Variants in ANPEP observed in about 807,000 individuals in gnomAD.
ANPEP encodes the protein alanyl aminopeptidase, membrane.
Under a neutral mutation model 114.6 loss-of-function variants are expected in ANPEP, and 70 were observed. The observed-to-expected ratio is 0.61, with a 90% CI of 0.50 to 0.75. The LOEUF (loss-of-function observed/expected upper bound fraction) is 0.75, where lower values mean the gene tolerates loss of function less well. ANPEP is among the 30% of genes least tolerant of loss of function. The probability of loss-of-function intolerance (pLI) is 0.00; values close to 1 mark genes in which losing one functional copy is unlikely to be tolerated. For missense variants in ANPEP, 1,184 were observed against 1,259.5 expected, an observed-to-expected ratio of 0.94 and a Z score of 0.91; for synonymous variants, 548 against 522.3, an observed-to-expected ratio of 1.05 and a Z score of -0.67.
rs1000822585 is a variant in ANPEP at position 89,804,775 on chromosome 15, C to T, written c.898-158G>A. 4 of 1,067,814 alleles carry T rather than the reference C, an allele frequency of 3.7e-6. No homozygotes were observed. The Admixed American group carries it at 8.0e-5, about 21-fold the overall frequency. The allele number at this position is 1,067,814 out of a possible 1,614,324, so 66.1% of individuals were successfully genotyped here. On this transcript the variant is annotated intron_variant, in intron 4 of 20. Coordinates refer to ENST00000300060, the MANE Select transcript of ANPEP (RefSeq NM_001150.3). Reference sequence around the variant, plus strand: ...GAGGCCTGGTCAGCAGAGGGGAACGCTACTGGGGTCTGGAGGCTGTGGGTC... The same window carrying T: ...GAGGCCTGGTCAGCAGAGGGGAACGTTACTGGGGTCTGGAGGCTGTGGGTC...
Position 89,803,108 on chromosome 15 carries a change from G to A in ANPEP, c.1569+131C>T. 9.8e-7 allele frequency: 1 copy of A among 1,016,076 alleles called. No individual in the cohort carries two copies. The highest frequency in any genetic ancestry group is 1.5e-6 in the Non-Finnish European group (1 of 653,402). The allele number at this position is 1,016,076 out of a possible 1,614,324, so 62.9% of individuals were successfully genotyped here. A position where few individuals can be genotyped will look rare whatever the true frequency, so the allele number is the denominator to read the frequency against. On this transcript the variant is annotated intron_variant, in intron 10 of 20. Transcript: ENST00000300060. The surrounding 1 kb of genome is among the most constrained non-coding windows in gnomAD (Gnocchi z 4.2). ...TCCACTATAGGGAGGAGCAACAGAG[G>A]CTCCATCCACCCTGCAGGGCTGGTC...
chr15:89,792,971 A>G, intron 16 of ANPEP, 64 bp downstream of exon 16: 1 of 1,364,582 alleles, frequency 7.3e-7, no homozygotes, highest in South Asian at 1.2e-5. Flanking sequence ...GAACACTGCC[A>G]GGATGTTGCT....
At position 89,806,195 on chromosome 15, in the gene ANPEP, G is replaced by C. The variant is rs141945020; in HGVS notation, c.389C>G (p.Thr130Ser). ...IIIHSKKLNY[T>S]LSQGHRVVLR... ...GACCACCCTGTGCCCCTGGCTGAGG[G>C]TGTAGTTGAGCTTCTTGCTGTGGAT... The change falls in exon 2 of 21, where the codon ACC (threonine) becomes AGC (serine). Residue 130 changes from threonine to serine, a missense_variant. Physicochemically the swap from Thr to Ser is moderately conservative, Grantham distance 58 (BLOSUM62 1). Coordinates refer to ENST00000300060, the MANE Select transcript of ANPEP (RefSeq NM_001150.3). The surrounding 1 kb of genome is among the most constrained non-coding windows in gnomAD (Gnocchi z 5.7). The C allele has an allele frequency of 2.5e-6, 4 of 1,614,138 alleles. No homozygotes were observed. In the East Asian group the frequency reaches 6.7e-5, roughly 27 times the overall value.
At chr15:89,795,500 C>A (rs753023046) in intron 15 of ANPEP, among the ~76,000 whole-genome samples, 3 of 152,000 alleles carry the variant, frequency 2.0e-5, no homozygotes, top group Non-Finnish European at 4.4e-5. Context: ...CCAAGGCCCA[C>A]CAGGACCGAG....
chr15:89,793,867 A>T (rs927351216), intron 15 of ANPEP, among the ~76,000 whole-genome samples: 10 of 152,116 alleles, frequency 6.6e-5, no homozygotes, highest in African/African-American at 2.4e-4. Context: ...TTTTTTACTT[A>T]GCATATTCTT....
intron 1 of ANPEP, among the ~76,000 whole-genome samples, chr15:89,812,932 G>A (rs1894841856): frequency 6.6e-6 from 1 of 152,144 alleles, no homozygotes; most frequent in Non-Finnish European, 1.5e-5. Flanking sequence ...CCAGGGCTGG[G>A]AGCTGGGGGT....
chr15:89,803,204 A>G lies in ANPEP; in HGVS notation c.1569+35T>C. 1 of 1,604,580 alleles carries G rather than the reference A, an allele frequency of 6.2e-7. No individual in the cohort carries two copies. Among genetic ancestry groups the G allele is most frequent in the Admixed American group, 1.7e-5 (1 of 59,992 alleles). On this transcript the variant is annotated intron_variant, in intron 10 of 20. Coordinates refer to ENST00000300060, the MANE Select transcript of ANPEP (RefSeq NM_001150.3). This position sits in a 1 kb window ranked among gnomAD's most constrained non-coding sequence, Gnocchi z 4.2. ...GTACCTTCAGCATCTCAAGACCCCA[A>G]CAGGATGGCTGTGGAGGGGCTGGCT...
intron 10 of ANPEP, among the ~76,000 whole-genome samples, chr15:89,802,933 G>C (rs1894625533): frequency 6.6e-6 from 1 of 152,096 alleles, no homozygotes; most frequent in Admixed American, 6.5e-5. Flanking sequence ...GTTCCAGGCA[G>C]AGGCGGGAAC....
In ANPEP at chr15:89,785,422, G is replaced by T. The variant is rs376373199; in HGVS notation, c.2831C>A (p.Thr944Lys). ...CTTCACCCACTTGATGTTGGCTTTC[G>T]TCTTCTCCAGGGCTTGCTCCAGGGC... Reference protein sequence around the residue: ...TRALEQALEKTKANIKWVKEN... With the variant: ...TRALEQALEKKKANIKWVKEN... Residue 944 changes from threonine to lysine, a missense_variant, in exon 21 of 21, where the codon ACG becomes AAG. Coordinates refer to ENST00000300060, the MANE Select transcript of ANPEP (RefSeq NM_001150.3). 1.9e-6 allele frequency: 3 copies of T among 1,614,070 alleles called. No individual in the cohort carries two copies. In the African/African-American group the frequency reaches 4.0e-5, roughly 22 times the overall value.
At chr15:89,811,047 T>G (rs1460215560) in intron 1 of ANPEP, among the ~76,000 whole-genome samples, 1 of 152,192 alleles carries the variant, frequency 6.6e-6, no homozygotes, top group Non-Finnish European at 1.5e-5. Flanking sequence ...TGCCGTATCC[T>G]CTACACCTGG....
chr15:89,785,570 G>A lies in ANPEP; in HGVS notation c.2752-69C>T. On this transcript the variant is annotated intron_variant, in intron 20 of 20. Transcript: ENST00000300060. ...CAGCCTTGAGGAGGAGCTCTCTCAGGCCTCTGGCTTTCCACTCCCACTTTA... is the reference window on the plus strand; with the variant it reads ...CAGCCTTGAGGAGGAGCTCTCTCAGACCTCTGGCTTTCCACTCCCACTTTA... The A allele has an allele frequency of 3.1e-6, 5 of 1,593,484 alleles. No homozygotes were observed. In the South Asian group the frequency reaches 5.6e-5, roughly 18 times the overall value.
chr15:89,790,476 T>G lies in ANPEP; in HGVS notation c.2735A>C (p.Glu912Ala). 6.2e-7 allele frequency: 1 copy of G among 1,613,832 alleles called. No individual in the cohort carries two copies. The highest frequency in any genetic ancestry group is 1.1e-5 in the South Asian group (1 of 91,072). The stretch of plus-strand genomic sequence containing the variant: ...ACTTCTTACCTGCTGCAGCTCATAC[T>G]CGGTGGAGAATCGTCGTGTCACTGC... ...IQAVTRRFST[E>A]YELQQLEQFK... The change falls in exon 20 of 21, where the codon GAG (glutamate) becomes GCG (alanine). Residue 912 changes from glutamate to alanine, a missense_variant. Transcript: ENST00000300060.
intron 11 of ANPEP, 85 bp from the exon 12 acceptor site, chr15:89,801,272 C>G (rs982853028): frequency 3.7e-5 from 58 of 1,562,626 alleles, no homozygotes; most frequent in Non-Finnish European, 4.6e-5. Context: ...CCAGCTTCTG[C>G]CCAGCTCTGG....
intron 20 of ANPEP, among the ~76,000 whole-genome samples, chr15:89,788,567 C>T (rs1968547504): frequency 6.6e-6 from 1 of 151,872 alleles, no homozygotes; most frequent in Non-Finnish European, 1.5e-5. Flanking sequence ...ATGGTTGTAC[C>T]ACATGGTTTT....
At position 89,797,743 on chromosome 15, in the gene ANPEP, C is replaced by T. The variant is rs748802108; in HGVS notation, c.2010-21G>A. On this transcript the variant is annotated intron_variant, in intron 14 of 20. Coordinates refer to ENST00000300060, the MANE Select transcript of ANPEP (RefSeq NM_001150.3). ...GGGCACTGGGAATAAACAGAGGGGC[C>T]CAAGTAAAGCACCTCCACCCAGCCC... The T allele has an allele frequency of 6.2e-6, 10 of 1,613,430 alleles. No homozygotes were observed. The South Asian group carries it at 1.1e-4, about 18-fold the overall frequency.
Position 89,803,155 on chromosome 15 carries a change from C to T in ANPEP, c.1569+84G>A. 1.4e-6 allele frequency: 2 copies of T among 1,472,042 alleles called. No individual in the cohort carries two copies. Among genetic ancestry groups the T allele is most frequent in the East Asian group, 4.5e-5 (2 of 44,180 alleles). The allele number at this position is 1,472,042 out of a possible 1,614,324, so 91.2% of individuals were successfully genotyped here. A position where few individuals can be genotyped will look rare whatever the true frequency, so the allele number is the denominator to read the frequency against. Reference sequence around the variant, plus strand: ...GGTCAGCCGCGGAGCTGGACCCATTCTCTTACGCATGTGCTGCCCCCAGGT... The same window carrying T: ...GGTCAGCCGCGGAGCTGGACCCATTTTCTTACGCATGTGCTGCCCCCAGGT... On this transcript the variant is annotated intron_variant, in intron 10 of 20. Transcript: ENST00000300060. This position sits in a 1 kb window ranked among gnomAD's most constrained non-coding sequence, Gnocchi z 4.2.
At chr15:89,786,862 C>G (rs1331745337) in intron 20 of ANPEP, among the ~76,000 whole-genome samples, 1 of 152,028 alleles carries the variant, frequency 6.6e-6, no homozygotes, top group Non-Finnish European at 1.5e-5. Context: ...AATTGATTTT[C>G]AACTAGGTTG....
In ANPEP at chr15:89,803,635, A is replaced by G. The variant is rs1305281340; in HGVS notation, c.1437+12T>C. ...ACCTCCTTCCCCGTGCCCCACGAGG[A>G]GCGGGCTGCACCTTGCTGTAGGAGA... On this transcript the variant is annotated intron_variant, in intron 8 of 20. Transcript: ENST00000300060. This position sits in a 1 kb window ranked among gnomAD's most constrained non-coding sequence, Gnocchi z 4.2. The G allele has an allele frequency of 7.5e-6, 12 of 1,607,898 alleles. No individual in the cohort carries two copies. The Admixed American group carries it at 2.0e-4, about 27-fold the overall frequency.
intron 1 of ANPEP, among the ~76,000 whole-genome samples, chr15:89,810,580 GAAAAAA>G (rs540401836): frequency 2.3e-5 from 3 of 129,642 alleles, no homozygotes; most frequent in Non-Finnish European, 1.7e-5. Context: ...TTTCAAAAAA[GAAAAAA>G]AAAAAAGAAA....
Sources: allele counts gnomAD v4.1 joint callset (sites outside exome capture counted in the v4.1 genomes callset), GRCh38; gene constraint gnomAD v4.1.1; non-coding constraint Gnocchi (gnomAD v3.1); transcripts MANE v1.5; gene names NCBI Gene and HGNC (gene_info 2026-07-23, HGNC 2026-07-21).